The following SUCLG2 variants were observed in gnomAD, a reference collection of about 807,000 sequenced individuals.
SUCLG2 encodes the protein succinate--CoA ligase [GDP-forming] subunit beta, mitochondrial.
In SUCLG2, 42 loss-of-function variants were observed where a neutral mutation model predicts 47.9. The ratio of observed to expected loss-of-function variants is 0.88; its 90% CI spans 0.69 to 1.14. The LOEUF (loss-of-function observed/expected upper bound fraction) is 1.14, where lower values mean the gene tolerates loss of function less well. Among genes scored for constraint, SUCLG2 ranks in the 50% most tolerant of loss-of-function variants. The pLI is 0.00. For synonymous variants in SUCLG2, 195 were observed against 197.3 expected (o/e 0.99, Z 0.10); for missense variants, 571 against 525.9 (o/e 1.09, Z -0.84).
chr3:67,604,519 A>T lies in SUCLG2; in HGVS notation c.226+4936T>A, dbSNP rs13322180. Among the ~76,000 whole-genome samples the T allele has an allele frequency of 9.0e-3, 1,373 of 152,328 alleles. 24 individuals carry two copies. The highest frequency in any genetic ancestry group is 0.031 in the African/African-American group (1,296 of 41,568). On this transcript the variant is annotated intron_variant, in intron 2 of 10. Transcript: ENST00000307227. ...CTCTACAATCTCGGCATGTTTTTTA[A>T]CTTTATCTTGCCTGTTTCCTTGCTT... is the stretch of plus-strand genomic sequence containing the variant.
At chr3:67,394,825 C>T (rs1434115289) in intron 10 of SUCLG2, among the ~76,000 whole-genome samples, 6 of 151,940 alleles carry the variant, frequency 3.9e-5, no homozygotes, top group East Asian at 3.9e-4. Context: ...GCGGATCTCT[C>T]GGCAGAAACT....
At chr3:67,368,585 G>A in intron 10 of SUCLG2, among the ~76,000 whole-genome samples, 1 of 151,416 alleles carries the variant, frequency 6.6e-6, no homozygotes, top group South Asian at 2.1e-4. Context: ...CATTTTTCTG[G>A]CATCTTCATT....
rs1260600597 is a variant in SUCLG2 at position 67,495,943 on chromosome 3, G to A, written c.920-3C>T. Reference sequence around the variant, plus strand: ...CATGGCGAGCCCAGCACCATTCACTGTGAAATGCAAATGGGACACAAGACA... The same window carrying A: ...CATGGCGAGCCCAGCACCATTCACTATGAAATGCAAATGGGACACAAGACA... On this transcript the variant is annotated splice_region_variant and splice_polypyrimidine_tract_variant and intron_variant, in intron 8 of 10. Coordinates refer to ENST00000307227, the MANE Select transcript of SUCLG2 (RefSeq NM_003848.4). The A allele has an allele frequency of 3.1e-6, 5 of 1,613,838 alleles. No homozygotes were observed. The highest frequency in any genetic ancestry group is 2.7e-5 in the African/African-American group (2 of 75,036).
At chr3:67,418,337 C>A (rs1575682200) in intron 9 of SUCLG2, among the ~76,000 whole-genome samples, 2 of 152,132 alleles carry the variant, frequency 1.3e-5, no homozygotes, top group East Asian at 3.8e-4. Context: ...TTCCAAACTC[C>A]TATGAGCTAT....
At chr3:67,551,081 A>G (rs1463485073) in intron 2 of SUCLG2, among the ~76,000 whole-genome samples, 1 of 152,234 alleles carries the variant, frequency 6.6e-6, no homozygotes, top group African/African-American at 2.4e-5. Flanking sequence ...GCCAAGTGTT[A>G]AGAATATATA....
chr3:67,450,047 A>T (rs1442142581), intron 9 of SUCLG2, among the ~76,000 whole-genome samples: 1 of 151,216 alleles, frequency 6.6e-6, no homozygotes, highest in Non-Finnish European at 1.5e-5. Flanking sequence ...TTTAAAATTA[A>T]CTAATTAATT....
intron 2 of SUCLG2, among the ~76,000 whole-genome samples, chr3:67,530,393 A>G (rs1706370811): frequency 6.6e-6 from 1 of 152,220 alleles, no homozygotes; most frequent in Admixed American, 6.5e-5. Flanking sequence ...ACCTTTGTAT[A>G]TTGTAAAGAA....
rs867059483 is a variant in SUCLG2 at position 67,422,473 on chromosome 3, C to A, written c.1063-21622G>T. Among the ~76,000 whole-genome samples the A allele has an allele frequency of 9.3e-3, 285 of 30,670 alleles. 1 individual carries two copies. The highest frequency in any genetic ancestry group is 0.037 in the African/African-American group (261 of 6,962). The allele number at this position is 30,670 out of a possible 152,430, so 20.1% of individuals were successfully genotyped here. A position where few individuals can be genotyped will look rare whatever the true frequency, so the allele number is the denominator to read the frequency against. ...CTGGTGACAGAGCGAGACTCCATCT[C>A]AAAAAAAAAAAAAAAAAAAAAAAAA... On this transcript the variant is annotated intron_variant, in intron 9 of 10. Coordinates refer to ENST00000307227, the MANE Select transcript of SUCLG2 (RefSeq NM_003848.4).
chr3:67,582,522 G>A (rs1315152563), intron 2 of SUCLG2, among the ~76,000 whole-genome samples: 1 of 152,096 alleles, frequency 6.6e-6, no homozygotes, highest in East Asian at 1.9e-4. Flanking sequence ...TACCAGTGAT[G>A]GGCACCTAAG....
intron 1 of SUCLG2, 124 bp from the exon 2 acceptor site, chr3:67,609,720 C>CA: frequency 1.2e-6 from 1 of 824,872 alleles, no homozygotes; most frequent in East Asian, 3.2e-5. Context: ...TTGAGAGAAG[C>CA]AAAAGAAAAA....
intron 9 of SUCLG2, among the ~76,000 whole-genome samples, chr3:67,402,342 G>C (rs889906091): frequency 6.9e-5 from 10 of 145,540 alleles, no homozygotes; most frequent in Admixed American, 6.2e-4. Context: ...GTAGACTGCA[G>C]CTCATGTTGA....
intron 1 of SUCLG2, among the ~76,000 whole-genome samples, chr3:67,615,470 C>A (rs988610004): frequency 6.6e-6 from 1 of 152,116 alleles, no homozygotes; most frequent in Admixed American, 6.5e-5. Flanking sequence ...ACTTTGCACA[C>A]TAGTACTGCT....
At chr3:67,395,788 T>A (rs202094027) in intron 10 of SUCLG2, among the ~76,000 whole-genome samples, 112,187 of 151,914 alleles carry the variant, frequency 0.74, 41,933 homozygotes, top group Admixed American at 0.82. Context: ...TCTCCTCAGC[T>A]AAAGTAAAAG....
intron 9 of SUCLG2, among the ~76,000 whole-genome samples, chr3:67,464,593 A>G (rs1212459840): frequency 6.6e-6 from 1 of 152,222 alleles, no homozygotes; most frequent in Non-Finnish European, 1.5e-5. Context: ...CAAAACTTAT[A>G]ATTCCACTTT....
intron 10 of SUCLG2, among the ~76,000 whole-genome samples, chr3:67,366,159 A>G (rs1701872128): frequency 6.6e-6 from 1 of 152,090 alleles, no homozygotes; most frequent in Admixed American, 6.5e-5. Flanking sequence ...TAGTGTGGAA[A>G]CACTAGAAAA....
chr3:67,397,689 C>T (rs911324005), intron 10 of SUCLG2, among the ~76,000 whole-genome samples: 3 of 152,084 alleles, frequency 2.0e-5, no homozygotes, highest in African/African-American at 7.2e-5. Context: ...CATATGGAAC[C>T]AAAAAAGAGC....
At chr3:67,564,031 A>T (rs188034524) in intron 2 of SUCLG2, among the ~76,000 whole-genome samples, 1 of 152,194 alleles carries the variant, frequency 6.6e-6, no homozygotes, top group East Asian at 1.9e-4. Flanking sequence ...CTCTTTTGCC[A>T]ATTAAGTGAT....
intron 9 of SUCLG2, among the ~76,000 whole-genome samples, chr3:67,478,097 A>T (rs886610957): frequency 6.6e-6 from 1 of 152,182 alleles, no homozygotes; most frequent in Admixed American, 6.5e-5. Context: ...CCAGGATTCA[A>T]ACTTAGGCAA....
At chr3:67,567,165 A>G (rs1345844716) in intron 2 of SUCLG2, among the ~76,000 whole-genome samples, 1 of 152,148 alleles carries the variant, frequency 6.6e-6, no homozygotes, top group Non-Finnish European at 1.5e-5. Context: ...CCTGGGTGAC[A>G]GAGTAAGAGC....
Sources: gnomAD v4.1 joint callset for allele counts (sites outside exome capture counted in the v4.1 genomes callset) on GRCh38, gnomAD v4.1.1 for gene constraint, MANE v1.5 for transcripts, NCBI Gene and HGNC (gene_info 2026-07-23, HGNC 2026-07-21) for gene names.